The following XRRA1 variants were observed in gnomAD, a reference collection of about 807,000 sequenced individuals.
The protein encoded by XRRA1 is X-ray radiation resistance-associated protein 1.
XRRA1 carries 69 observed loss-of-function variants against 80.2 expected under a neutral mutation model. The ratio of observed to expected loss-of-function variants is 0.86; its 90% CI spans 0.71 to 1.05. XRRA1 has a LOEUF of 1.05. Ranked by LOEUF, XRRA1 falls within the 50% of genes least tolerant of loss-of-function variation. The pLI, the probability that XRRA1 is intolerant of heterozygous loss-of-function variation, is 0.00. For synonymous variants in XRRA1, 348 were observed against 389.9 expected (o/e 0.89, Z 1.27); for missense variants, 967 against 976.4 (o/e 0.99, Z 0.13).
At chr11:74,904,650 C>A (rs1234059516) in intron 10 of XRRA1, among the ~76,000 whole-genome samples, 1 of 151,758 alleles carries the variant, frequency 6.6e-6, no homozygotes. Flanking sequence ...TATCAATAAT[C>A]ACCATGTGAG....
At chr11:74,850,615 C>G (rs2039546476) in intron 14 of XRRA1, among the ~76,000 whole-genome samples, 1 of 152,194 alleles carries the variant, frequency 6.6e-6, no homozygotes, top group Non-Finnish European at 1.5e-5. Context: ...TACTTTATGG[C>G]AAAGGAAGCA....
At chr11:74,929,321 T>C (rs1942981144) in intron 6 of XRRA1, among the ~76,000 whole-genome samples, 1 of 152,108 alleles carries the variant, frequency 6.6e-6, no homozygotes, top group African/African-American at 2.4e-5. Context: ...CTCTGCACCC[T>C]TCTTGTCACA....
chr11:74,864,349 CAGAG>C (rs1280848772), intron 10 of XRRA1, among the ~76,000 whole-genome samples: 1 of 152,248 alleles, frequency 6.6e-6, no homozygotes, highest in African/African-American at 2.4e-5. Flanking sequence ...TGCAAAAAGG[CAGAG>C]AGAAGATGGT....
At chr11:74,928,930 G>A (rs894689560) in intron 6 of XRRA1, among the ~76,000 whole-genome samples, 9 of 152,094 alleles carry the variant, frequency 5.9e-5, no homozygotes, top group African/African-American at 2.2e-4. Flanking sequence ...AATGCTGGCT[G>A]TCATCAGCCC....
chr11:74,868,551 A>T (rs1411837790), intron 10 of XRRA1, among the ~76,000 whole-genome samples: 6 of 152,228 alleles, frequency 3.9e-5, no homozygotes, highest in Non-Finnish European at 5.9e-5. Flanking sequence ...CAGAGTGATC[A>T]GTTGAATAAA....
chr11:74,908,884 T>C (rs964143640), intron 8 of XRRA1, among the ~76,000 whole-genome samples: 12 of 152,168 alleles, frequency 7.9e-5, no homozygotes, highest in Non-Finnish European at 2.9e-5. Flanking sequence ...TAGGCAGCCA[T>C]GTTTCCCATC....
chr11:74,882,150 C>G (rs1368812551), intron 10 of XRRA1, among the ~76,000 whole-genome samples: 1 of 152,222 alleles, frequency 6.6e-6, no homozygotes, highest in African/African-American at 2.4e-5. Flanking sequence ...TACACCAAAT[C>G]AGACGTAGAT....
chr11:74,908,747 G>A (rs1215889668), intron 8 of XRRA1, among the ~76,000 whole-genome samples: 1 of 152,166 alleles, frequency 6.6e-6, no homozygotes, highest in African/African-American at 2.4e-5. Context: ...ATTCGGGAAA[G>A]GCAATGTTTA....
intron 10 of XRRA1, among the ~76,000 whole-genome samples, chr11:74,866,654 T>TA (rs57326749): frequency 0.35 from 47,472 of 135,152 alleles, 8,276 homozygotes; most frequent in East Asian, 0.55. Context: ...TTGAAATAAT[T>TA]AAAAAAAAAA....
At chr11:74,931,037 G>A (rs190548759) in intron 5 of XRRA1, among the ~76,000 whole-genome samples, 10 of 151,998 alleles carry the variant, frequency 6.6e-5, no homozygotes, top group Admixed American at 3.3e-4. Context: ...GAACTGCTGC[G>A]CTCAAGTAAT....
chr11:74,868,902 G>A (rs2044110753), intron 10 of XRRA1, among the ~76,000 whole-genome samples: 1 of 152,078 alleles, frequency 6.6e-6, no homozygotes, highest in African/African-American at 2.4e-5. Flanking sequence ...CGATAATTGT[G>A]CAGGACATGA....
chr11:74,897,679 G>T (rs1025785285), intron 10 of XRRA1, among the ~76,000 whole-genome samples: 4 of 139,088 alleles, frequency 2.9e-5, no homozygotes, highest in African/African-American at 1.1e-4. Context: ...CAGGCCAGGA[G>T]AGAGTGGCAT....
In XRRA1 at chr11:74,884,405, T is replaced by C. The variant is rs2048506744; in HGVS notation, c.1004-21384A>G. ...CCAGGCAGAGGACCCACCTGCATAA[T>C]AAAATTTGGTTAGGGGTGACCAGCT... is the stretch of plus-strand genomic sequence containing the variant. On this transcript the variant is annotated intron_variant, in intron 10 of 18. Coordinates refer to ENST00000684022, the MANE Select transcript of XRRA1 (RefSeq NM_001378157.1). Among the ~76,000 whole-genome samples, 4 of 152,166 alleles carry C rather than the reference T, an allele frequency of 2.6e-5. No individual in the cohort carries two copies. In the South Asian group the frequency reaches 8.3e-4, roughly 31 times the overall value.
chr11:74,933,125 C>T (rs1944048887), intron 5 of XRRA1: 1 of 152,214 alleles, frequency 6.6e-6, no homozygotes, highest in Admixed American at 6.5e-5. Context: ...AAAACCATTA[C>T]AATTGCTGGC....
At position 74,859,179 on chromosome 11, in the gene XRRA1, G is replaced by GT. The variant is rs748163844; in HGVS notation, c.1148dup (p.Tyr383Ter). The GT allele has an allele frequency of 1.2e-6, 2 of 1,608,302 alleles. No homozygotes were observed. Among genetic ancestry groups the GT allele is most frequent in the South Asian group, 2.2e-5 (2 of 89,832 alleles). Residue 383 changes from tyrosine (Y) to a stop codon, truncating the protein, a stop_gained and frameshift_variant, in exon 12 of 19, where the codon TAC becomes TAAC. Transcript: ENST00000684022. LOFTEE classifies it high-confidence loss of function. ...TLAPPFPELR[Y>*]LSLAYNKIAK... Reference sequence around the variant, plus strand: ...TCACCTTGTTGTAGGCCAGGCTAAGGTATCTCAGCTCTGGGAAGGGTGGGG... The same window carrying GT: ...TCACCTTGTTGTAGGCCAGGCTAAGGTTATCTCAGCTCTGGGAAGGGTGGGG...
intron 10 of XRRA1, among the ~76,000 whole-genome samples, chr11:74,872,604 AC>A (rs1287766315): frequency 1.3e-5 from 2 of 152,058 alleles, no homozygotes; most frequent in Admixed American, 6.6e-5. Flanking sequence ...AGTAGAAGCC[AC>A]CCCAACCATG....
chr11:74,844,004 C>A, intron 17 of XRRA1, 45 bp from the exon 18 acceptor site: 1 of 1,570,066 alleles, frequency 6.4e-7, no homozygotes, highest in Non-Finnish European at 8.7e-7. Flanking sequence ...GGTTTATGCA[C>A]AGACTTCCCT....
intron 3 of XRRA1, among the ~76,000 whole-genome samples, chr11:74,938,099 ATAATAAT>A (rs1330347385): frequency 6.6e-6 from 1 of 152,204 alleles, no homozygotes; most frequent in Non-Finnish European, 1.5e-5. Context: ...CAATAGTATA[ATAATAAT>A]ATAAGGGGTG....
At chr11:74,890,466 A>G (rs2050345551) in intron 10 of XRRA1, among the ~76,000 whole-genome samples, 1 of 152,254 alleles carries the variant, frequency 6.6e-6, no homozygotes, top group Non-Finnish European at 1.5e-5. Context: ...TCTAAAATTG[A>G]CACCCTAACA....
Sources: allele counts gnomAD v4.1 joint callset (sites outside exome capture counted in the v4.1 genomes callset), GRCh38; gene constraint gnomAD v4.1.1; transcripts MANE v1.5; gene names NCBI Gene and HGNC (gene_info 2026-07-23, HGNC 2026-07-21).